Variants in SLC27A4 observed in about 807,000 individuals in gnomAD.
SLC27A4 encodes the protein long-chain fatty acid transport protein 4.
In SLC27A4, 33 loss-of-function variants were observed where a neutral mutation model predicts 64.4. The ratio of observed to expected loss-of-function variants is 0.51; its 90% CI spans 0.39 to 0.68. The LOEUF (loss-of-function observed/expected upper bound fraction) is 0.68, where lower values mean the gene tolerates loss of function less well. SLC27A4 is among the 30% of genes least tolerant of loss of function. The pLI is 0.00. For missense variants in SLC27A4, 824 were observed against 883.5 expected, an observed-to-expected ratio of 0.93 and a Z score of 0.85; for synonymous variants, 377 against 370.0, an observed-to-expected ratio of 1.02 and a Z score of -0.22.
chr9:128,349,289 G>A (rs144548607), intron 4 of SLC27A4, among the ~76,000 whole-genome samples: 320 of 152,266 alleles, frequency 2.1e-3, no homozygotes, highest in African/African-American at 7.6e-3. Flanking sequence ...TCAGAGCTTG[G>A]GCTGTCGAGT....
At position 128,353,601 on chromosome 9, in the gene SLC27A4, C is replaced by G; in HGVS notation, c.1324+60C>G. The G allele has an allele frequency of 2.5e-6, 4 of 1,581,222 alleles. No individual in the cohort carries two copies. Among genetic ancestry groups the G allele is most frequent in the Non-Finnish European group, 3.5e-6 (4 of 1,156,932 alleles). ...GCCTGGGAAGGAAGGAGGCCAGGCG[C>G]GTGTGGATGGGGAGCCTTGTTCTGA... is the stretch of plus-strand genomic sequence containing the variant. On this transcript the variant is annotated intron_variant, in intron 9 of 12. Transcript: ENST00000300456. The surrounding 1 kb of genome is among the most constrained non-coding windows in gnomAD (Gnocchi z 4.9).
chr9:128,341,345 C>T (rs1231655032), intron 1 of SLC27A4, among the ~76,000 whole-genome samples: 1 of 152,186 alleles, frequency 6.6e-6, no homozygotes, highest in African/African-American at 2.4e-5. Context: ...CAGATGTCCC[C>T]TTGATCGAGT....
chr9:128,350,142 G>T (rs76191443), intron 4 of SLC27A4, among the ~76,000 whole-genome samples, 170 bp from the exon 5 acceptor site: 4,332 of 152,300 alleles, frequency 0.028, 185 homozygotes, highest in African/African-American at 0.099. Context: ...TTGTTGGAAT[G>T]GATGCCGGTG....
Position 128,360,617 on chromosome 9 carries a change from C to A in SLC27A4, c.*126C>A. 1.0e-6 allele frequency: 1 copy of A among 967,506 alleles called. No homozygotes were observed. The highest frequency in any genetic ancestry group is 1.6e-6 in the Non-Finnish European group (1 of 637,018). The allele number at this position is 967,506 out of a possible 1,614,324, so 59.9% of individuals were successfully genotyped here. ...TGGCACCTCCATCCTGAGGTGCTGC[C>A]CCTCCATCCAAAACTGCCAAGTGAC... On this transcript the variant is annotated 3_prime_UTR_variant, in exon 13 of 13. Transcript: ENST00000300456.
rs900355214 is a variant in SLC27A4 at position 128,360,832 on chromosome 9, A to G, written c.*341A>G. The stretch of plus-strand genomic sequence containing the variant: ...TTCCCAGAGAGCAGGGAGCTTATAA[A>G]TGGAACCAGAGCAGAAGTCCCCAGA... On this transcript the variant is annotated 3_prime_UTR_variant, in exon 13 of 13. Transcript: ENST00000300456. The G allele has an allele frequency of 1.1e-5, 4 of 349,840 alleles. No homozygotes were observed. Among genetic ancestry groups the G allele is most frequent in the African/African-American group, 8.4e-5 (4 of 47,338 alleles). The allele number at this position is 349,840 out of a possible 1,614,324, so 21.7% of individuals were successfully genotyped here. A position where few individuals can be genotyped will look rare whatever the true frequency, so the allele number is the denominator to read the frequency against.
intron 2 of SLC27A4, among the ~76,000 whole-genome samples, chr9:128,344,358 A>G (rs1481300429): frequency 2.0e-5 from 3 of 151,998 alleles, no homozygotes; most frequent in African/African-American, 7.3e-5. Context: ...TCCCTACCAA[A>G]ATACAAAAAA....
Position 128,340,650 on chromosome 9 carries a change from C to T in SLC27A4, c.-195C>T. The T allele has an allele frequency of 3.5e-6, 1 of 286,676 alleles. No homozygotes were observed. The highest frequency in any genetic ancestry group is 1.8e-4 in the South Asian group (1 of 5,548). 17.8% of individuals were successfully genotyped at this position (286,676 alleles called of 1,614,324 possible). On this transcript the variant is annotated 5_prime_UTR_variant, in exon 1 of 13. Coordinates refer to ENST00000300456, the MANE Select transcript of SLC27A4 (RefSeq NM_005094.4). ...GTGCGGGAGGCGGGCGGGGTAGGAG[C>T]GCGGCGGGCGGGGCCGGGCGGCGGG...
At chr9:128,350,600 C>T (rs761265055) in intron 6 of SLC27A4, 25 bp downstream of exon 6, 20 of 1,560,748 alleles carry the variant, frequency 1.3e-5, no homozygotes, top group East Asian at 2.3e-5. Context: ...GTCACACAGC[C>T]TCCAGCACCT....
intron 1 of SLC27A4, chr9:128,342,416 C>A: frequency 6.2e-7 from 1 of 1,603,244 alleles, no homozygotes. Context: ...GTATTGCCTT[C>A]TTATTTTACT....
chr9:128,359,363 C>T (rs895894242), intron 12 of SLC27A4, among the ~76,000 whole-genome samples: 2 of 152,076 alleles, frequency 1.3e-5, no homozygotes, highest in African/African-American at 4.8e-5. Context: ...GTGGCCCACG[C>T]CTGTAATCCC....
chr9:128,340,890 G>A (rs189718198), intron 1 of SLC27A4, 52 bp downstream of exon 1: 17 of 552,054 alleles, frequency 3.1e-5, no homozygotes. Flanking sequence ...GTGCCAGGCC[G>A]AGTCGGGCGA....
In SLC27A4 at chr9:128,340,829, C is replaced by G. The variant is rs1564397178; in HGVS notation, c.-16C>G. 1 of 685,036 alleles carries G rather than the reference C, an allele frequency of 1.5e-6. No individual in the cohort carries two copies. Among genetic ancestry groups the G allele is most frequent in the East Asian group, 2.9e-5 (1 of 34,528 alleles). 42.4% of individuals were successfully genotyped at this position (685,036 alleles called of 1,614,324 possible). On this transcript the variant is annotated 5_prime_UTR_variant, in exon 1 of 13. Transcript: ENST00000300456. ...CTGGACGGGGCGCCGCGCGGCGGAG[C>G]CGACGCCGGGTGAGCATAGACCGGG... is the stretch of plus-strand genomic sequence containing the variant.
At chr9:128,341,852 C>CTTGAACCTCCTGAGTAG (rs987000041) in intron 1 of SLC27A4, among the ~76,000 whole-genome samples, 4 of 152,208 alleles carry the variant, frequency 2.6e-5, no homozygotes, top group African/African-American at 9.6e-5. Flanking sequence ...AATTCTTCTG[C>CTTGAACCTCCTGAGTAG]CTCAGCCTCC....
chr9:128,356,188 A>G (rs1832818258), intron 12 of SLC27A4, among the ~76,000 whole-genome samples: 1 of 152,240 alleles, frequency 6.6e-6, no homozygotes, highest in Non-Finnish European at 1.5e-5. Context: ...CTGATAGGAA[A>G]GCAAAAAGGT....
In SLC27A4 at chr9:128,360,556, G is replaced by A. The variant is rs1038941045; in HGVS notation, c.*65G>A. Reference sequence around the variant, plus strand: ...GGAGCCCCAGGTTCCGCCCCAGAGCGGTCCTGGACAAGGCCAGACCAAAGC... The same window carrying A: ...GGAGCCCCAGGTTCCGCCCCAGAGCAGTCCTGGACAAGGCCAGACCAAAGC... On this transcript the variant is annotated 3_prime_UTR_variant, in exon 13 of 13. Transcript: ENST00000300456. The A allele has an allele frequency of 5.0e-5, 80 of 1,584,890 alleles. No homozygotes were observed. The highest frequency in any genetic ancestry group is 8.5e-5 in the Admixed American group (5 of 58,768).
At position 128,360,334 on chromosome 9, in the gene SLC27A4, G is replaced by T; in HGVS notation, c.1775G>T (p.Gly592Val). Residue 592 changes from glycine to valine, a missense_variant and splice_region_variant, in exon 13 of 13, where the codon GGA becomes GTA. Physicochemically the swap from Gly to Val is moderately radical, Grantham distance 109 (BLOSUM62 -3). Transcript: ENST00000300456. ...TGAGTCTTCTTCCCTGCTCTCCCAG[G>T]AACCTACAAGTTCCAGAAGACAGAG... ...LRLLPELHKT[G>V]TYKFQKTELR... The T allele has an allele frequency of 6.2e-7, 1 of 1,614,066 alleles. No individual in the cohort carries two copies. The highest frequency in any genetic ancestry group is 1.1e-5 in the South Asian group (1 of 91,066).
intron 9 of SLC27A4, among the ~76,000 whole-genome samples, chr9:128,354,163 C>T (rs138438879): frequency 5.3e-5 from 8 of 151,976 alleles, no homozygotes; most frequent in South Asian, 2.1e-4. Flanking sequence ...AGGTTGGTCT[C>T]GAACTCCTGA....
At chr9:128,349,926 G>A (rs1832709064) in intron 4 of SLC27A4, among the ~76,000 whole-genome samples, 1 of 152,178 alleles carries the variant, frequency 6.6e-6, no homozygotes, top group Non-Finnish European at 1.5e-5. Context: ...CTCCCCTCCT[G>A]CAAGCTTGGG....
intron 1 of SLC27A4, 132 bp from the exon 2 acceptor site, chr9:128,342,995 A>G: frequency 8.3e-7 from 1 of 1,198,868 alleles, no homozygotes; most frequent in East Asian, 2.6e-5. Context: ...GTGGTCAGTC[A>G]CCCAACTCAG....
Sources: gnomAD v4.1 joint callset for allele counts (sites outside exome capture counted in the v4.1 genomes callset) on GRCh38, gnomAD v4.1.1 for gene constraint, Gnocchi (gnomAD v3.1) non-coding constraint, MANE v1.5 for transcripts, NCBI Gene and HGNC (gene_info 2026-07-23, HGNC 2026-07-21) for gene names.